Variants in DCP2 observed in about 807,000 individuals in gnomAD.
DCP2 encodes the protein decapping mRNA 2.
Under a neutral mutation model 56.1 loss-of-function variants are expected in DCP2, and 30 were observed. The observed-to-expected ratio is 0.53, with a 90% confidence interval of 0.40 to 0.73. The LOEUF is 0.73. DCP2 is among the 30% of genes least tolerant of loss of function. The pLI, the probability that DCP2 is intolerant of heterozygous loss-of-function variation, is 0.00. For missense variants in DCP2, 533 were observed against 502.7 expected, an observed-to-expected ratio of 1.06 and a Z score of -0.58; for synonymous variants, 197 against 163.3, an observed-to-expected ratio of 1.21 and a Z score of -1.57.
In DCP2 at chr5:113,016,830, AC is replaced by A. The variant is rs1164438797; in HGVS notation, c.*3349del. 1 of 136,394 alleles carries A rather than the reference AC, an allele frequency of 7.3e-6. No individual in the cohort carries two copies. Among genetic ancestry groups the A allele is most frequent in the Admixed American group, 7.9e-5 (1 of 12,718 alleles). The allele number at this position is 136,394 out of a possible 1,614,324, so 8.4% of individuals were successfully genotyped here. On this transcript the variant is annotated 3_prime_UTR_variant, in exon 11 of 11. Transcript: ENST00000389063. ...GCCAAGTTAGTTTTCTTACCACAATACCCTCTTGGCTTTTTTTTTTTTTTTT... is the reference window on the plus strand; with the variant it reads ...GCCAAGTTAGTTTTCTTACCACAATACCTCTTGGCTTTTTTTTTTTTTTTT...
At chr5:112,990,830 T>G (rs1748553989) in intron 2 of DCP2, among the ~76,000 whole-genome samples, 1 of 152,184 alleles carries the variant, frequency 6.6e-6, no homozygotes, top group South Asian at 2.1e-4. Flanking sequence ...AAATTTTAAA[T>G]TACAGAATTG....
chr5:112,981,182 C>CA (rs1747987554), intron 1 of DCP2, among the ~76,000 whole-genome samples: 1 of 151,988 alleles, frequency 6.6e-6, no homozygotes, highest in African/African-American at 2.4e-5. Context: ...GTATTAAATA[C>CA]ATTTTTTTTT....
At chr5:113,012,604 T>A (rs993420534) in intron 10 of DCP2, among the ~76,000 whole-genome samples, 3 of 152,178 alleles carry the variant, frequency 2.0e-5, no homozygotes, top group African/African-American at 7.2e-5. Flanking sequence ...TTTGTTGTAC[T>A]ATGATTTGGA....
In DCP2 at chr5:113,021,534, G is replaced by A. The variant is rs1750134004; in HGVS notation, c.*8050G>A. On this transcript the variant is annotated 3_prime_UTR_variant, in exon 11 of 11. Coordinates refer to ENST00000389063, the MANE Select transcript of DCP2 (RefSeq NM_152624.6). ...GAATTCATTAGATATTTAAAATCCAGCAATTCTTAAGTTTGTGCTAGAATC... is the reference window on the plus strand; with the variant it reads ...GAATTCATTAGATATTTAAAATCCAACAATTCTTAAGTTTGTGCTAGAATC... Among the ~76,000 whole-genome samples, 1 of 152,130 alleles carries A rather than the reference G, an allele frequency of 6.6e-6. No homozygotes were observed. The highest frequency in any genetic ancestry group is 2.1e-4 in the South Asian group (1 of 4,826).
chr5:112,979,604 T>G (rs1747902433), intron 1 of DCP2, among the ~76,000 whole-genome samples: 1 of 152,208 alleles, frequency 6.6e-6, no homozygotes, highest in African/African-American at 2.4e-5. Flanking sequence ...TACTTTGTTT[T>G]TTGATAAATT....
At position 113,019,919 on chromosome 5, in the gene DCP2, A is replaced by C. The variant is rs1425563703; in HGVS notation, c.*6435A>C. On this transcript the variant is annotated 3_prime_UTR_variant, in exon 11 of 11. Coordinates refer to ENST00000389063, the MANE Select transcript of DCP2 (RefSeq NM_152624.6). ...CTCTTAATAAGATTGCCTTTTGTCT[A>C]ACCGAAATAGGGCATACAGATTAGT... 6.6e-6 allele frequency: 1 copy of C among 152,240 alleles called. No individual in the cohort carries two copies. Among genetic ancestry groups the C allele is most frequent in the Non-Finnish European group, 1.5e-5 (1 of 68,032 alleles). 9.4% of individuals were successfully genotyped at this position (152,240 alleles called of 1,614,324 possible). A position where few individuals can be genotyped will look rare whatever the true frequency, so the allele number is the denominator to read the frequency against.
intron 1 of DCP2, chr5:112,983,851 A>G (rs1294458172): frequency 6.6e-6 from 1 of 152,284 alleles, no homozygotes; most frequent in Non-Finnish European, 1.5e-5. Context: ...AAGATTCTGA[A>G]AGAAAATCAT....
intron 4 of DCP2, among the ~76,000 whole-genome samples, chr5:112,993,254 TA>T (rs1748679343): frequency 6.6e-6 from 1 of 152,188 alleles, no homozygotes; most frequent in Non-Finnish European, 1.5e-5. Context: ...ACACAAATCT[TA>T]ACCATTTCTG....
Position 113,004,151 on chromosome 5 carries a change from T to C in DCP2, c.942+74T>C. 2.6e-6 allele frequency: 4 copies of C among 1,524,138 alleles called. No homozygotes were observed. In the South Asian group the frequency reaches 4.9e-5, roughly 19 times the overall value. The allele number at this position is 1,524,138 out of a possible 1,614,324, so 94.4% of individuals were successfully genotyped here. A position where few individuals can be genotyped will look rare whatever the true frequency, so the allele number is the denominator to read the frequency against. On this transcript the variant is annotated intron_variant, in intron 8 of 10. Coordinates refer to ENST00000389063, the MANE Select transcript of DCP2 (RefSeq NM_152624.6). ...TTTGAAATTTTTCTCAATTGGAGAA[T>C]TACATCTTAATAGTTACAGAGAGCT...
chr5:113,019,633 C>T lies in DCP2; in HGVS notation c.*6149C>T, dbSNP rs570383608. ...ATATTAGAAACTTTTTCTTCAGTAA[C>T]AAAAACAGGGAAGGACAATAAAACC... On this transcript the variant is annotated 3_prime_UTR_variant, in exon 11 of 11. Transcript: ENST00000389063. The T allele has an allele frequency of 7.9e-5, 12 of 152,200 alleles. No individual in the cohort carries two copies. The highest frequency in any genetic ancestry group is 2.6e-4 in the Admixed American group (4 of 15,292). The allele number at this position is 152,200 out of a possible 1,614,324, so 9.4% of individuals were successfully genotyped here. A position where few individuals can be genotyped will look rare whatever the true frequency, so the allele number is the denominator to read the frequency against.
intron 8 of DCP2, among the ~76,000 whole-genome samples, chr5:113,006,102 G>C (rs1164364302): frequency 6.9e-6 from 1 of 144,866 alleles, no homozygotes; most frequent in Non-Finnish European, 1.5e-5. Context: ...GGCAACAGGA[G>C]TGGGACCCTA....
chr5:113,007,810 T>TG (rs1749508829), intron 8 of DCP2, 128 bp from the exon 9 acceptor site: 1 of 702,724 alleles, frequency 1.4e-6, no homozygotes, highest in Non-Finnish European at 2.3e-6. Context: ...GGGTGATTAA[T>TG]GAAAATTTGG....
In DCP2 at chr5:113,016,570, A is replaced by G. The variant is rs993766615; in HGVS notation, c.*3086A>G. On this transcript the variant is annotated 3_prime_UTR_variant, in exon 11 of 11. Coordinates refer to ENST00000389063, the MANE Select transcript of DCP2 (RefSeq NM_152624.6). ...TTAAGGCTTTAGTAATTTGTATGTA[A>G]TGTCAAATAAAAGGAATTCAAATCT... is the stretch of plus-strand genomic sequence containing the variant. The G allele has an allele frequency of 1.4e-4, 22 of 152,208 alleles. No individual in the cohort carries two copies. The highest frequency in any genetic ancestry group is 3.2e-4 in the Non-Finnish European group (22 of 68,034). The allele number at this position is 152,208 out of a possible 1,614,324, so 9.4% of individuals were successfully genotyped here.
At chr5:113,004,666 T>C (rs1749328136) in intron 8 of DCP2, among the ~76,000 whole-genome samples, 1 of 152,230 alleles carries the variant, frequency 6.6e-6, no homozygotes, top group Admixed American at 6.5e-5. Context: ...ATTGGATCAC[T>C]GGATATGCCT....
chr5:112,985,780 G>C (rs905982560), intron 1 of DCP2, 55 bp from the exon 2 acceptor site: 9 of 1,572,168 alleles, frequency 5.7e-6, no homozygotes, highest in Non-Finnish European at 7.8e-6. Flanking sequence ...AATAGCTTAA[G>C]ATAAATCGTT....
intron 1 of DCP2, among the ~76,000 whole-genome samples, chr5:112,980,555 G>A (rs1161262562): frequency 1.3e-5 from 2 of 150,126 alleles, no homozygotes; most frequent in African/African-American, 5.0e-5. Context: ...CTATATACAC[G>A]TCCATACACA....
At chr5:113,000,164 C>T (rs1749086440) in intron 4 of DCP2, among the ~76,000 whole-genome samples, 1 of 152,014 alleles carries the variant, frequency 6.6e-6, no homozygotes, top group South Asian at 2.1e-4. Flanking sequence ...CCCACTGTTG[C>T]CTAGAATGGT....
chr5:113,003,131 C>T (rs1404258793), intron 7 of DCP2, among the ~76,000 whole-genome samples: 1 of 142,312 alleles, frequency 7.0e-6, no homozygotes, highest in African/African-American at 2.7e-5. Context: ...TGATGTCTTT[C>T]AGAATCTGTT....
At position 113,013,484 on chromosome 5, in the gene DCP2, A is replaced by G; in HGVS notation, c.1263A>G (p.Ter421TrpextTer1). The change falls in exon 11 of 11, where the codon TGA becomes TGG. Residue 421 changes from the stop codon to tryptophan (W), a stop_lost. Transcript: ENST00000389063. ...HNAIMKILDL* is the reference protein window; with the variant it reads ...HNAIMKILDLW Reference sequence around the variant, plus strand: ...CTATAATGAAAATCTTGGACCTTTGATAGCAGCACATGTATTGTAAATGTC... The same window carrying G: ...CTATAATGAAAATCTTGGACCTTTGGTAGCAGCACATGTATTGTAAATGTC... The G allele has an allele frequency of 1.2e-6, 2 of 1,613,950 alleles. No individual in the cohort carries two copies. The highest frequency in any genetic ancestry group is 1.7e-4 in the Middle Eastern group (1 of 6,058).
Sources: allele counts gnomAD v4.1 joint callset (sites outside exome capture counted in the v4.1 genomes callset), GRCh38; gene constraint gnomAD v4.1.1; transcripts MANE v1.5; gene names NCBI Gene and HGNC (gene_info 2026-07-23, HGNC 2026-07-21).